Variants in KSR2 observed in about 807,000 individuals in gnomAD.
KSR2 encodes the protein kinase suppressor of ras 2.
KSR2 carries 25 observed loss-of-function variants against 107.8 expected under a neutral mutation model. The ratio of observed to expected loss-of-function variants is 0.23; its 90% confidence interval spans 0.17 to 0.32. The LOEUF is 0.32. Among genes scored for constraint, KSR2 ranks in the 10% least tolerant of loss-of-function variants. The pLI, the probability that KSR2 is intolerant of heterozygous loss-of-function variation, is 1.00. For synonymous variants in KSR2, 480 were observed against 507.0 expected, an observed-to-expected ratio of 0.95 and a Z score of 0.71; for missense variants, 887 against 1,268.9, an observed-to-expected ratio of 0.70 and a Z score of 4.57.
chr12:117,752,798 G>GT (rs1476746389), intron 4 of KSR2, among the ~76,000 whole-genome samples: 2 of 152,150 alleles, frequency 1.3e-5, no homozygotes, highest in African/African-American at 4.8e-5. Context: ...CAGAAATGCA[G>GT]TTTACCCTTT....
At chr12:117,773,251 A>G (rs892786755) in intron 3 of KSR2, among the ~76,000 whole-genome samples, 2 of 152,182 alleles carry the variant, frequency 1.3e-5, no homozygotes, top group Admixed American at 1.3e-4. Flanking sequence ...TGTTTCTGGC[A>G]AATCATTTTA....
intron 10 of KSR2, among the ~76,000 whole-genome samples, chr12:117,533,792 C>T (rs1255887846): frequency 6.6e-6 from 1 of 152,160 alleles, no homozygotes; most frequent in Non-Finnish European, 1.5e-5. Flanking sequence ...GGAGCTGCTT[C>T]AGAGAGTCCG....
At chr12:117,934,963 C>G (rs1203461280) in intron 1 of KSR2, among the ~76,000 whole-genome samples, 1 of 151,170 alleles carries the variant, frequency 6.6e-6, no homozygotes, top group Admixed American at 6.6e-5. Context: ...GTAGCTGGAA[C>G]CACAGGCATG....
chr12:117,680,556 TCTC>T (rs1055019706), intron 4 of KSR2, among the ~76,000 whole-genome samples: 7 of 152,160 alleles, frequency 4.6e-5, no homozygotes. Context: ...CTCTCTCTCC[TCTC>T]CTCCTCTCCA....
intron 1 of KSR2, among the ~76,000 whole-genome samples, chr12:117,936,921 G>A (rs992626027): frequency 6.6e-6 from 1 of 152,218 alleles, no homozygotes; most frequent in Non-Finnish European, 1.5e-5. Context: ...GAAGGGTGGT[G>A]TCTGGGAGAC....
chr12:117,905,251 A>C (rs1894802999), intron 1 of KSR2, among the ~76,000 whole-genome samples: 1 of 152,188 alleles, frequency 6.6e-6, no homozygotes, highest in African/African-American at 2.4e-5. Flanking sequence ...ATAGCTTATG[A>C]TAAAAAATTT....
chr12:117,758,084 C>A (rs912785154), intron 4 of KSR2, among the ~76,000 whole-genome samples: 4 of 152,066 alleles, frequency 2.6e-5, no homozygotes, highest in Non-Finnish European at 2.9e-5. Flanking sequence ...GTCATGACCA[C>A]AAATTTAAAA....
At chr12:117,827,872 G>C (rs544204290) in intron 3 of KSR2, among the ~76,000 whole-genome samples, 1 of 152,168 alleles carries the variant, frequency 6.6e-6, no homozygotes, top group South Asian at 2.1e-4. Context: ...CAGCAAAGCT[G>C]GTTCTCAATC....
At chr12:117,589,810 G>T (rs992925856) in intron 5 of KSR2, among the ~76,000 whole-genome samples, 1 of 152,208 alleles carries the variant, frequency 6.6e-6, no homozygotes, top group Non-Finnish European at 1.5e-5. Context: ...ACAGCTCCAT[G>T]ATGCTTCAGG....
chr12:117,592,554 C>A (rs958674167), intron 5 of KSR2, among the ~76,000 whole-genome samples: 2 of 152,128 alleles, frequency 1.3e-5, no homozygotes, highest in East Asian at 1.9e-4. Flanking sequence ...GTGAGAAATG[C>A]GAATCCTAGA....
chr12:117,911,184 A>G (rs1038685210), intron 1 of KSR2, among the ~76,000 whole-genome samples: 1 of 151,800 alleles, frequency 6.6e-6, no homozygotes, highest in Non-Finnish European at 1.5e-5. Flanking sequence ...TCACACACAC[A>G]CACACACACA....
chr12:117,689,572 G>A (rs1447604493), intron 4 of KSR2, among the ~76,000 whole-genome samples: 1 of 152,126 alleles, frequency 6.6e-6, no homozygotes, highest in Non-Finnish European at 1.5e-5. Flanking sequence ...TACAAAAACA[G>A]TCAGCAGGCC....
At chr12:117,578,411 T>C (rs1879415550) in intron 7 of KSR2, among the ~76,000 whole-genome samples, 1 of 151,900 alleles carries the variant, frequency 6.6e-6, no homozygotes, top group Non-Finnish European at 1.5e-5. Flanking sequence ...CTGGCCAACA[T>C]GGTAAATCCC....
chr12:117,934,689 C>T (rs1205757260), intron 1 of KSR2, among the ~76,000 whole-genome samples: 1 of 152,224 alleles, frequency 6.6e-6, no homozygotes, highest in African/African-American at 2.4e-5. Context: ...AATATCATCA[C>T]ATTTTCTATC....
chr12:117,565,855 G>T (rs771118618), intron 7 of KSR2, among the ~76,000 whole-genome samples: 8 of 152,170 alleles, frequency 5.3e-5, no homozygotes, highest in Non-Finnish European at 1.0e-4. Context: ...TCTTCTATGT[G>T]CATGGCTTTA....
At chr12:117,750,564 G>A (rs1442092476) in intron 4 of KSR2, among the ~76,000 whole-genome samples, 1 of 152,112 alleles carries the variant, frequency 6.6e-6, no homozygotes, top group East Asian at 1.9e-4. Flanking sequence ...TGGGTATATT[G>A]AGTGATGCTA....
intron 3 of KSR2, among the ~76,000 whole-genome samples, chr12:117,772,012 ACACT>A (rs564733874): frequency 1.5e-3 from 224 of 147,204 alleles, no homozygotes; most frequent in Middle Eastern, 0.011. Context: ...GCACAAACAC[ACACT>A]CACACATACA....
At chr12:117,752,318 C>A (rs892285354) in intron 4 of KSR2, among the ~76,000 whole-genome samples, 1 of 152,076 alleles carries the variant, frequency 6.6e-6, no homozygotes, top group African/African-American at 2.4e-5. Flanking sequence ...CTGAACACAG[C>A]GACATGTACC....
At chr12:117,626,127 T>A (rs1312048565) in intron 5 of KSR2, among the ~76,000 whole-genome samples, 2 of 152,144 alleles carry the variant, frequency 1.3e-5, no homozygotes, top group African/African-American at 2.4e-5. Flanking sequence ...GCAGTCTATC[T>A]ATTTTGTTGA....
Sources: allele counts gnomAD v4.1 joint callset (sites outside exome capture counted in the v4.1 genomes callset), GRCh38; gene constraint gnomAD v4.1.1; transcripts MANE v1.5; gene names NCBI Gene and HGNC (gene_info 2026-07-23, HGNC 2026-07-21).